The following BCR variants were observed in gnomAD, a reference collection of about 807,000 sequenced individuals.
The protein encoded by BCR is BCR activator of RhoGEF and GTPase, also known as breakpoint cluster region protein.
In BCR, 58 loss-of-function variants were observed where a neutral mutation model predicts 138.6. That is an observed-to-expected ratio of 0.42 (90% CI 0.34 to 0.52). BCR has a LOEUF of 0.52. Among genes scored for constraint, BCR ranks in the 20% least tolerant of loss-of-function variants. The probability of loss-of-function intolerance (pLI) is 0.06; values close to 1 mark genes in which losing one functional copy is unlikely to be tolerated. For missense variants in BCR, 1,599 were observed against 1,727.2 expected (o/e 0.93, Z 1.32); for synonymous variants, 786 against 730.1 (o/e 1.08, Z -1.23).
At chr22:23,290,308 C>T in intron 13 of BCR, 31 bp from the exon 14 acceptor site, 1 of 1,603,668 alleles carries the variant, frequency 6.2e-7, no homozygotes, top group Non-Finnish European at 8.5e-7. Context: ...CCCGGGACAA[C>T]AGAAGCTGAC....
intron 1 of BCR, among the ~76,000 whole-genome samples, chr22:23,226,791 T>G (rs1363512693): frequency 1.1e-4 from 16 of 152,186 alleles, no homozygotes; most frequent in Non-Finnish European, 2.2e-4. Context: ...GACCCCTGCT[T>G]TAGGATAAAA....
intron 5 of BCR, among the ~76,000 whole-genome samples, chr22:23,270,987 G>T (rs996551189): frequency 4.6e-5 from 7 of 152,214 alleles, no homozygotes; most frequent in African/African-American, 1.7e-4. Flanking sequence ...TGCCCTGGCC[G>T]TCTCCAAAGA....
chr22:23,205,419 C>T (rs936868128), intron 1 of BCR, among the ~76,000 whole-genome samples: 7 of 152,212 alleles, frequency 4.6e-5, no homozygotes, highest in African/African-American at 1.7e-4. Flanking sequence ...TGTTCCCTCT[C>T]TGGAAGGCTT....
intron 4 of BCR, among the ~76,000 whole-genome samples, chr22:23,262,558 C>T (rs2073373659): frequency 6.6e-6 from 1 of 152,224 alleles, no homozygotes; most frequent in Non-Finnish European, 1.5e-5. Context: ...AGCCCCCCCA[C>T]CCCCGTTTCT....
chr22:23,271,620 G>T, intron 6 of BCR, 28 bp downstream of exon 6: 1 of 1,609,526 alleles, frequency 6.2e-7, no homozygotes, highest in Non-Finnish European at 8.5e-7. Flanking sequence ...AGGTCTCTGT[G>T]TGCCCTCGTC....
At chr22:23,296,097 T>C (rs2073841798) in intron 16 of BCR, among the ~76,000 whole-genome samples, 1 of 190 alleles carries the variant, frequency 5.3e-3, no homozygotes, top group African/African-American at 0.015. Flanking sequence ...AGTGCCAGGC[T>C]GGGCGTGGTG....
chr22:23,196,555 T>C (rs1323299182), intron 1 of BCR, among the ~76,000 whole-genome samples: 1 of 152,170 alleles, frequency 6.6e-6, no homozygotes, highest in Non-Finnish European at 1.5e-5. Flanking sequence ...CAGGATTCCC[T>C]TGGGCAGCAG....
chr22:23,255,050 A>G (rs991185805), intron 2 of BCR, among the ~76,000 whole-genome samples: 2 of 152,118 alleles, frequency 1.3e-5, no homozygotes, highest in Non-Finnish European at 2.9e-5. Context: ...ATAAAAAAAT[A>G]AATAAAAAGA....
intron 1 of BCR, among the ~76,000 whole-genome samples, chr22:23,204,426 G>A (rs1355910952): frequency 7.1e-6 from 1 of 140,822 alleles, no homozygotes; most frequent in Non-Finnish European, 1.5e-5. Flanking sequence ...ATGTTGCTCT[G>A]AGTTCCCAGA....
rs116075902 is a variant in BCR at position 23,295,515 on chromosome 22, A to G, written c.3012+360A>G. Among the ~76,000 whole-genome samples, 637 of 152,126 alleles carry G rather than the reference A, an allele frequency of 4.2e-3. 2 individuals are homozygous for G. The highest frequency in any genetic ancestry group is 0.015 in the African/African-American group (608 of 41,488). ...CCCATCCTGTGCCAGTCTTCTTAGA[A>G]AAGCACAGGGGTCCCAGAGGCTGCC... On this transcript the variant is annotated intron_variant, in intron 16 of 22. Transcript: ENST00000305877.
chr22:23,203,022 T>G (rs1166556697), intron 1 of BCR, among the ~76,000 whole-genome samples: 1 of 152,128 alleles, frequency 6.6e-6, no homozygotes, highest in African/African-American at 2.4e-5. Flanking sequence ...TACACTCATC[T>G]GTCGTTTTTT....
At chr22:23,217,235 G>A (rs1175442121) in intron 1 of BCR, among the ~76,000 whole-genome samples, 2 of 152,236 alleles carry the variant, frequency 1.3e-5, no homozygotes, top group African/African-American at 4.8e-5. Context: ...TAGGTTCAAA[G>A]TAAAAAATCC....
chr22:23,181,248 C>A lies in BCR; in HGVS notation c.288C>A (p.Arg96=). ...CCGAGCCCCGAGCGTCCGCGTCGCG[C>A]CCGCAGCCAGCGCCCGCCGACGGAG... ...GASEPRASAS[R]PQPAPADGAD... The change falls in exon 1 of 23, where the codon CGC becomes CGA. Residue 96 remains arginine, a synonymous_variant. Transcript: ENST00000305877. 8.0e-7 allele frequency: 1 copy of A among 1,242,804 alleles called. No individual in the cohort carries two copies. The highest frequency in any genetic ancestry group is 1.0e-6 in the Non-Finnish European group (1 of 985,854). The allele number at this position is 1,242,804 out of a possible 1,614,324, so 77.0% of individuals were successfully genotyped here.
At chr22:23,256,691 G>A (rs1351375678) in intron 2 of BCR, among the ~76,000 whole-genome samples, 2 of 152,116 alleles carry the variant, frequency 1.3e-5, no homozygotes, top group African/African-American at 2.4e-5. Context: ...CCCAGATTAG[G>A]GGGACTAGGA....
At chr22:23,210,737 A>C (rs888809989) in intron 1 of BCR, among the ~76,000 whole-genome samples, 3 of 152,190 alleles carry the variant, frequency 2.0e-5, no homozygotes, top group African/African-American at 4.8e-5. Flanking sequence ...AGAATTGTAC[A>C]GTGTGTAACC....
chr22:23,252,446 T>TTTG (rs2073241449), intron 1 of BCR, among the ~76,000 whole-genome samples: 1 of 148,324 alleles, frequency 6.7e-6, no homozygotes, highest in Non-Finnish European at 1.5e-5. Context: ...TTTTTTTTTT[T>TTTG]TTGAGACAGA....
At chr22:23,269,559 C>T (rs1568965058) in intron 5 of BCR, among the ~76,000 whole-genome samples, 2 of 152,204 alleles carry the variant, frequency 1.3e-5, no homozygotes, top group African/African-American at 2.4e-5. Context: ...GGGCTTCGCT[C>T]TGATGTCTCC....
In BCR at chr22:23,213,691, G is replaced by A. The variant is rs554431182; in HGVS notation, c.1279+31452G>A. On this transcript the variant is annotated intron_variant, in intron 1 of 22. Coordinates refer to ENST00000305877, the MANE Select transcript of BCR (RefSeq NM_004327.4). ...ACGTAAAAATATTAATTGCTGGGGC[G>A]TGGTGGTGCATGCCTGTAGTCCTAG... 7.1e-3 allele frequency among the ~76,000 whole-genome samples: 1,084 copies of A among 152,206 alleles called. 11 individuals carry two copies. Among genetic ancestry groups the A allele is most frequent in the African/African-American group, 0.024 (987 of 41,496 alleles).
chr22:23,228,930 T>C (rs895967011), intron 1 of BCR, among the ~76,000 whole-genome samples: 2 of 152,244 alleles, frequency 1.3e-5, no homozygotes. Flanking sequence ...AGCTATTGTA[T>C]TTTCCGATAC....
Sources: gnomAD v4.1 joint callset for allele counts (sites outside exome capture counted in the v4.1 genomes callset) on GRCh38, gnomAD v4.1.1 for gene constraint, MANE v1.5 for transcripts, NCBI Gene and HGNC (gene_info 2026-07-23, HGNC 2026-07-21) for gene names.